Variants in NAV3 observed in about 807,000 individuals in gnomAD.
NAV3 encodes the protein pore membrane and/or filament interacting like protein 1.
In NAV3, 87 loss-of-function variants were observed where a neutral mutation model predicts 244.7. The observed-to-expected ratio is 0.36, with a 90% CI of 0.30 to 0.42. NAV3 has a LOEUF of 0.42. NAV3 is among the 20% of genes least tolerant of loss of function. The pLI is 1.00. For missense variants in NAV3, 2,663 were observed against 2,893.3 expected (o/e 0.92, Z 1.83); for synonymous variants, 1,126 against 1,042.2 (o/e 1.08, Z -1.55).
At position 78,179,609 on chromosome 12, in the gene NAV3, C is replaced by T. The variant is rs995751350; in HGVS notation, c.5444C>T (p.Thr1815Met). Reference sequence around the variant, plus strand: ...CTCAGAGAAAAGGAATTAAAATTAACGGATATTCGGCTGGAGGCCCTCAGC... The same window carrying T: ...CTCAGAGAAAAGGAATTAAAATTAATGGATATTCGGCTGGAGGCCCTCAGC... ...SELREKELKL[T>M]DIRLEALSSA... The change falls in exon 29 of 40, where the codon ACG becomes ATG. Residue 1815 changes from threonine (T) to methionine (M), a missense_variant. Physicochemically the swap from Thr to Met is moderately conservative, Grantham distance 81. This residue lies in a region of NAV3 where 4 missense variants were observed against 20.2 expected (regional missense o/e 0.20). Transcript: ENST00000397909. 1.9e-6 allele frequency: 3 copies of T among 1,613,274 alleles called. No individual in the cohort carries two copies. Among genetic ancestry groups the T allele is most frequent in the African/African-American group, 1.3e-5 (1 of 75,002 alleles).
intron 1 of NAV3, among the ~76,000 whole-genome samples, chr12:77,921,592 T>C (rs933868685): frequency 6.6e-6 from 1 of 152,092 alleles, no homozygotes; most frequent in South Asian, 2.1e-4. Flanking sequence ...AGTTTTCTCA[T>C]AGCTAAATTC....
At chr12:77,956,291 T>C (rs900924656) in intron 3 of NAV3, among the ~76,000 whole-genome samples, 6 of 152,120 alleles carry the variant, frequency 3.9e-5, no homozygotes, top group Admixed American at 3.9e-4. Context: ...ATGTGAAAAA[T>C]GAGAAGTATA....
chr12:78,135,506 G>A (rs1049547923), intron 18 of NAV3, among the ~76,000 whole-genome samples: 1 of 152,060 alleles, frequency 6.6e-6, no homozygotes, highest in Non-Finnish European at 1.5e-5. Flanking sequence ...AATCATTTAG[G>A]TAAGAATTAT....
chr12:77,583,484 T>C (rs1869460657), intron 2 of NAV3, among the ~76,000 whole-genome samples: 1 of 152,206 alleles, frequency 6.6e-6, no homozygotes, highest in Non-Finnish European at 1.5e-5. Flanking sequence ...GTAATTAATG[T>C]GTTAATCTGC....
At chr12:78,129,957 A>G (rs1424883544) in intron 18 of NAV3, among the ~76,000 whole-genome samples, 1 of 152,218 alleles carries the variant, frequency 6.6e-6, no homozygotes, top group Non-Finnish European at 1.5e-5. Flanking sequence ...TATATTTTCT[A>G]AACTTCAAGT....
At chr12:78,074,638 A>C (rs1019533489) in intron 12 of NAV3, among the ~76,000 whole-genome samples, 2 of 152,290 alleles carry the variant, frequency 1.3e-5, no homozygotes, top group South Asian at 4.1e-4. Flanking sequence ...TGGGAGGTGG[A>C]GGTTGCAGTG....
intron 30 of NAV3, among the ~76,000 whole-genome samples, chr12:78,184,185 T>C (rs1454570834): frequency 6.6e-6 from 1 of 151,950 alleles, no homozygotes; most frequent in Non-Finnish European, 1.5e-5. Flanking sequence ...TTTCTCATCT[T>C]GGTATTCATT....
intron 5 of NAV3, among the ~76,000 whole-genome samples, chr12:77,982,629 C>G (rs1210597505): frequency 6.6e-6 from 1 of 152,138 alleles, no homozygotes; most frequent in Admixed American, 6.6e-5. Context: ...AAGCATCCCA[C>G]AATCTAATGG....
intron 20 of NAV3, among the ~76,000 whole-genome samples, chr12:78,145,959 C>T (rs1036187745): frequency 3.3e-5 from 5 of 152,016 alleles, no homozygotes; most frequent in African/African-American, 1.2e-4. Context: ...CTAGAGGTCT[C>T]TATAATTTTA....
chr12:78,169,312 G>T (rs554020967), intron 24 of NAV3, among the ~76,000 whole-genome samples: 23 of 151,802 alleles, frequency 1.5e-4, no homozygotes, highest in Non-Finnish European at 3.2e-4. Context: ...ACTTTTCCTG[G>T]ATGGAGGCTA....
intron 2 of NAV3, among the ~76,000 whole-genome samples, chr12:77,742,780 C>T (rs953598698): frequency 1.1e-4 from 16 of 151,992 alleles, no homozygotes. Context: ...TAGTTACCTT[C>T]TGTTGCTATT....
intron 1 of NAV3, among the ~76,000 whole-genome samples, chr12:77,933,239 A>T (rs1188722863): frequency 6.6e-6 from 1 of 152,190 alleles, no homozygotes; most frequent in Non-Finnish European, 1.5e-5. Flanking sequence ...TATAATGCTT[A>T]GCCTGCCTGC....
At chr12:78,049,001 C>T (rs948027623) in intron 9 of NAV3, among the ~76,000 whole-genome samples, 4 of 152,174 alleles carry the variant, frequency 2.6e-5, no homozygotes, top group Non-Finnish European at 4.4e-5. Flanking sequence ...AAATTCCCAG[C>T]GGGTTTGTTT....
chr12:78,173,743 T>TA (rs58966039), intron 24 of NAV3, among the ~76,000 whole-genome samples: 9,951 of 143,570 alleles, frequency 0.069, 375 homozygotes, highest in Non-Finnish European at 0.1. Context: ...CTAGGGATTA[T>TA]AAAAAAAAAA....
chr12:78,006,213 C>T (rs555467769), intron 7 of NAV3, among the ~76,000 whole-genome samples: 1 of 151,826 alleles, frequency 6.6e-6, no homozygotes, highest in East Asian at 1.9e-4. Context: ...CAGCCCCCAC[C>T]CCAGAATCAA....
chr12:77,851,954 G>A (rs548621695), intron 1 of NAV3, among the ~76,000 whole-genome samples: 1 of 152,282 alleles, frequency 6.6e-6, no homozygotes, highest in African/African-American at 2.4e-5. Flanking sequence ...TAGATAAGGA[G>A]ACTAAAGTAT....
intron 2 of NAV3, among the ~76,000 whole-genome samples, chr12:77,800,271 G>A (rs1011851311): frequency 6.6e-6 from 1 of 152,172 alleles, no homozygotes; most frequent in Non-Finnish European, 1.5e-5. Flanking sequence ...CTTTAGAAAT[G>A]AAAGTGTTCC....
At position 77,669,582 on chromosome 12, in the gene NAV3, G is replaced by A. The variant is rs141150284; in HGVS notation, c.72+97316G>A. Among the ~76,000 whole-genome samples the A allele has an allele frequency of 1.7e-3, 253 of 151,960 alleles. 1 individual carries two copies. Among genetic ancestry groups the A allele is most frequent in the African/African-American group, 5.7e-3 (238 of 41,464 alleles). On this transcript the variant is annotated intron_variant, in intron 2 of 8. Coordinates refer to the NAV3 transcript ENST00000550042. ...ATATCAGACAAAACAAACTTTAAAG[G>A]AACAGCAGTTAAAAAAGACAAAGAG...
chr12:77,820,538 G>A (rs1360656776), intron 2 of NAV3, among the ~76,000 whole-genome samples: 2 of 152,154 alleles, frequency 1.3e-5, no homozygotes, highest in Admixed American at 6.5e-5. Flanking sequence ...GTTGCATTGA[G>A]GATTAAGTTT....
Sources: allele counts gnomAD v4.1 joint callset (sites outside exome capture counted in the v4.1 genomes callset), GRCh38; gene constraint gnomAD v4.1.1; regional missense constraint gnomAD v4.1.1; transcripts MANE v1.5; gene names NCBI Gene and HGNC (gene_info 2026-07-23, HGNC 2026-07-21).